PRDM11: variants seen among roughly 807,000 people sequenced by gnomAD.
The protein encoded by PRDM11 is PR/SET domain 11.
In PRDM11, 20 loss-of-function variants were observed where a neutral mutation model predicts 97.8. The ratio of observed to expected loss-of-function variants is 0.20; its 90% CI spans 0.14 to 0.30. PRDM11 has a LOEUF of 0.30. PRDM11 is among the 10% of genes least tolerant of loss of function. The probability of loss-of-function intolerance (pLI) is 1.00; values close to 1 mark genes in which losing one functional copy is unlikely to be tolerated. For synonymous variants in PRDM11, 599 were observed against 637.7 expected (o/e 0.94, Z 0.91); for missense variants, 1,139 against 1,555.2 (o/e 0.73, Z 4.50).
At chr11:45,118,541 C>T (rs1852352475) in intron 1 of PRDM11, among the ~76,000 whole-genome samples, 1 of 152,196 alleles carries the variant, frequency 6.6e-6, no homozygotes, top group Admixed American at 6.5e-5. Context: ...TTTGTTTTAA[C>T]ATTCCAAAAC....
intron 1 of PRDM11, chr11:45,147,565 C>T (rs541810880): frequency 6.5e-6 from 1 of 152,756 alleles, no homozygotes; most frequent in South Asian, 2.1e-4. Flanking sequence ...CTCCACCCCC[C>T]ACTCGCAGTC....
At chr11:45,213,091 G>A (rs1853824243) in intron 5 of PRDM11, 1 of 453,946 alleles carries the variant, frequency 2.2e-6, no homozygotes, top group Admixed American at 2.4e-5. Flanking sequence ...AGGGATGTCT[G>A]GCCTCACAAC....
intron 7 of PRDM11, 91 bp downstream of exon 7, chr11:45,224,934 T>C (rs749380331): frequency 6.3e-7 from 1 of 1,595,046 alleles, no homozygotes; most frequent in South Asian, 1.1e-5. Context: ...GGAAACCACC[T>C]TCCGGGAGAC....
Position 45,219,526 on chromosome 11 carries a change from A to G in PRDM11, c.555-44A>G. ...GTGCCGGCACCAGCGGGCACTCAAC[A>G]AAGGGTGGCCCGTGCGTTCTCACCT... On this transcript the variant is annotated intron_variant, in intron 5 of 7. Coordinates refer to ENST00000683152, the MANE Select transcript of PRDM11 (RefSeq NM_001384648.1). This position sits in a 1 kb window ranked among gnomAD's most constrained non-coding sequence, Gnocchi z 4.2. 1 of 1,553,524 alleles carries G rather than the reference A, an allele frequency of 6.4e-7. No individual in the cohort carries two copies. Among genetic ancestry groups the G allele is most frequent in the South Asian group, 1.2e-5 (1 of 85,442 alleles).
rs371239644 is a variant in PRDM11, at chr11:45,228,265, TTATATA to T, written c.*121_*126del. On this transcript the variant is annotated 3_prime_UTR_variant, in exon 8 of 8. Coordinates refer to ENST00000683152, the MANE Select transcript of PRDM11 (RefSeq NM_001384648.1). Reference sequence around the variant, plus strand: ...ATATATTATATTATATTATATTATATTATATATATATATATATATAAACTCACACTG... The same window carrying T: ...ATATATTATATTATATTATATTATATTATATATATATATAAACTCACACTG... The T allele has an allele frequency of 2.9e-4, 35 of 119,550 alleles. No homozygotes were observed. The highest frequency in any genetic ancestry group is 3.8e-3 in the Middle Eastern group (1 of 264). 7.4% of individuals were successfully genotyped at this position (119,550 alleles called of 1,614,324 possible). A position where few individuals can be genotyped will look rare whatever the true frequency, so the allele number is the denominator to read the frequency against.
At chr11:45,211,061 T>C (rs376011319) in intron 5 of PRDM11, among the ~76,000 whole-genome samples, 1 of 152,268 alleles carries the variant, frequency 6.6e-6, no homozygotes, top group South Asian at 2.1e-4. Context: ...GCCCTCCTTT[T>C]CCTGGCAGTG....
intron 4 of PRDM11, among the ~76,000 whole-genome samples, chr11:45,196,732 C>T (rs549610272): frequency 6.6e-6 from 1 of 152,278 alleles, no homozygotes; most frequent in East Asian, 1.9e-4. Context: ...GGTGGTTGGT[C>T]CTGAGGCTGG....
At chr11:45,171,170 G>T (rs1486943807) in intron 1 of PRDM11, among the ~76,000 whole-genome samples, 2 of 152,022 alleles carry the variant, frequency 1.3e-5, no homozygotes, top group Non-Finnish European at 2.9e-5. Flanking sequence ...TGCAATCTAG[G>T]CTCACTGCAA....
Position 45,224,612 on chromosome 11 carries a change from G to C in PRDM11, c.1138G>C (p.Asp380His). ...CTCCAAGGAGCCAGGCCAATTGGAG[G>C]ATGAAGAAGAGGAGCCTTCATCATT... ...GVSKEPGQLE[D>H]EEEEPSSFKA... The change falls in exon 7 of 8, where the codon GAT (aspartate) becomes CAT (histidine). Residue 380 changes from aspartate (D) to histidine (H), a missense_variant. Coordinates refer to ENST00000683152, the MANE Select transcript of PRDM11 (RefSeq NM_001384648.1). The C allele has an allele frequency of 6.2e-7, 1 of 1,614,172 alleles. No homozygotes were observed.
At chr11:45,116,956 G>C (rs906990653) in intron 1 of PRDM11, among the ~76,000 whole-genome samples, 1 of 152,226 alleles carries the variant, frequency 6.6e-6, no homozygotes, top group African/African-American at 2.4e-5. Flanking sequence ...GGGTGCAATG[G>C]CTCACGCCTG....
At chr11:45,166,286 G>T (rs1413372370) in intron 1 of PRDM11, among the ~76,000 whole-genome samples, 1 of 152,148 alleles carries the variant, frequency 6.6e-6, no homozygotes, top group African/African-American at 2.4e-5. Flanking sequence ...ACAGTGGTTG[G>T]CTGTGCCCCT....
intron 1 of PRDM11, among the ~76,000 whole-genome samples, chr11:45,160,741 A>G (rs1851908117): frequency 6.6e-6 from 1 of 152,212 alleles, no homozygotes; most frequent in Non-Finnish European, 1.5e-5. Flanking sequence ...AACCTTTTGC[A>G]CTTTTTAAAG....
At chr11:45,158,657 C>T (rs765315837) in intron 1 of PRDM11, among the ~76,000 whole-genome samples, 6 of 152,150 alleles carry the variant, frequency 3.9e-5, no homozygotes, top group African/African-American at 7.2e-5. Flanking sequence ...TGCCATAGAG[C>T]GAGGGCCTCC....
chr11:45,124,560 T>G (rs1363088642), intron 1 of PRDM11, among the ~76,000 whole-genome samples: 1 of 152,252 alleles, frequency 6.6e-6, no homozygotes, highest in African/African-American at 2.4e-5. Flanking sequence ...GGTTGTTGAA[T>G]TTTGTCAAAG....
At chr11:45,191,740 C>A (rs1852920561) in intron 4 of PRDM11, among the ~76,000 whole-genome samples, 2 of 152,050 alleles carry the variant, frequency 1.3e-5, no homozygotes, top group South Asian at 4.1e-4. Flanking sequence ...GTTTAGGAGC[C>A]AAAATCTCTG....
chr11:45,163,488 T>TG (rs59697803), intron 1 of PRDM11, among the ~76,000 whole-genome samples: 103,107 of 149,528 alleles, frequency 0.69, 37,066 homozygotes, highest in Non-Finnish European at 0.81. Flanking sequence ...TGCTTGAGGA[T>TG]GGGGGGGGGT....
chr11:45,110,572 T>TA (rs1266542113), intron 1 of PRDM11, among the ~76,000 whole-genome samples: 9 of 152,336 alleles, frequency 5.9e-5, no homozygotes, highest in Admixed American at 3.3e-4. Flanking sequence ...ACCTGGGGGC[T>TA]AAAGTGCCCA....
chr11:45,157,525 G>A (rs544599044), intron 1 of PRDM11, among the ~76,000 whole-genome samples: 34 of 152,278 alleles, frequency 2.2e-4, no homozygotes, highest in African/African-American at 8.2e-4. Context: ...CCAGGGGTTG[G>A]GGACCTACGC....
chr11:45,095,998 G>A, intron 1 of PRDM11: 1 of 712,266 alleles, frequency 1.4e-6, no homozygotes, highest in Middle Eastern at 2.3e-4. Flanking sequence ...CTTTATTCAG[G>A]CCCCTGCTTG....
Sources: allele counts gnomAD v4.1 joint callset (sites outside exome capture counted in the v4.1 genomes callset), GRCh38; gene constraint gnomAD v4.1.1; non-coding constraint Gnocchi (gnomAD v3.1); transcripts MANE v1.5; gene names NCBI Gene and HGNC (gene_info 2026-07-23, HGNC 2026-07-21).